Variants in PCGF3 observed in about 807,000 individuals in gnomAD.
PCGF3 encodes polycomb group ring finger 3.
In PCGF3, 7 loss-of-function variants were observed where a neutral mutation model predicts 33.1. The observed-to-expected ratio is 0.21, with a 90% CI of 0.12 to 0.40. The LOEUF is 0.40. Ranked by LOEUF, PCGF3 falls within the 10% of genes least tolerant of loss-of-function variation. The pLI is 1.00. For synonymous variants in PCGF3, 153 were observed against 121.3 expected (o/e 1.26, Z -1.72); for missense variants, 211 against 313.3 (o/e 0.67, Z 2.46).
In PCGF3 at chr4:765,958, C is replaced by A. The variant is rs1255868771; in HGVS notation, c.682-74C>A. The stretch of plus-strand genomic sequence containing the variant: ...CCTCACGGGACGTGATTCCTCAGCA[C>A]CCTTCCCGATGAAGTAGGTCCTTCT... On this transcript the variant is annotated intron_variant, in intron 10 of 10. Transcript: ENST00000362003. The A allele has an allele frequency of 1.7e-5, 23 of 1,374,466 alleles. 1 individual carries two copies. Among genetic ancestry groups the A allele is most frequent in the Admixed American group, 1.2e-4 (7 of 59,560 alleles). The allele number at this position is 1,374,466 out of a possible 1,614,324, so 85.1% of individuals were successfully genotyped here.
chr4:755,872 A>G (rs1287023703), intron 8 of PCGF3, among the ~76,000 whole-genome samples: 2 of 117,202 alleles, frequency 1.7e-5, no homozygotes, highest in East Asian at 2.4e-4. Context: ...GAGAGTACAT[A>G]CCCCTCCTCA....
chr4:740,253 C>T (rs980516975), intron 6 of PCGF3, among the ~76,000 whole-genome samples: 5 of 152,362 alleles, frequency 3.3e-5, no homozygotes, highest in East Asian at 3.9e-4. Flanking sequence ...ACCTGGACTC[C>T]GGGCAGGCCC....
chr4:734,247 G>T, intron 4 of PCGF3: 1 of 1,487,526 alleles, frequency 6.7e-7, no homozygotes, highest in Non-Finnish European at 9.0e-7. Flanking sequence ...TCTAAGTGTG[G>T]CTACCGCTGA....
intron 5 of PCGF3, among the ~76,000 whole-genome samples, chr4:735,512 C>T (rs77137988): frequency 0.065 from 9,922 of 151,748 alleles, 1,044 homozygotes; most frequent in African/African-American, 0.22. Flanking sequence ...CGCCGTTGCA[C>T]TCCAGCCTGG....
intron 4 of PCGF3, 76 bp from the exon 5 acceptor site, chr4:734,855 G>T (rs1027603181): frequency 1.3e-6 from 2 of 1,552,750 alleles, no homozygotes; most frequent in South Asian, 2.4e-5. Flanking sequence ...AGACGCCCGT[G>T]TTCAGTGGAG....
At chr4:739,594 C>T in intron 6 of PCGF3, among the ~76,000 whole-genome samples, 1 of 152,208 alleles carries the variant, frequency 6.6e-6, no homozygotes, top group East Asian at 1.9e-4. Context: ...TGTCCTGCGG[C>T]AGTGGACCTG....
chr4:735,299 C>A (rs1447937917), intron 5 of PCGF3, among the ~76,000 whole-genome samples: 2 of 152,214 alleles, frequency 1.3e-5, no homozygotes, highest in African/African-American at 2.4e-5. Context: ...ATAATCCCAG[C>A]ACTTTGGGAG....
At chr4:747,788 C>G (rs1744326867) in intron 8 of PCGF3, among the ~76,000 whole-genome samples, 1 of 152,170 alleles carries the variant, frequency 6.6e-6, no homozygotes, top group South Asian at 2.1e-4. Context: ...CGAGGGAGGG[C>G]TCACACCAGA....
rs1373470934 is a variant in PCGF3, at chr4:722,727, C to T, written c.-189-7903C>T. Reference sequence around the variant, plus strand: ...TGCGCTGGGTCCACACTCGCGTCATCGCCCACCCACGCCGGGTCCACACTC... The same window carrying T: ...TGCGCTGGGTCCACACTCGCGTCATTGCCCACCCACGCCGGGTCCACACTC... On this transcript the variant is annotated intron_variant, in intron 1 of 10. Coordinates refer to ENST00000362003, the Ensembl canonical transcript of PCGF3. Among the ~76,000 whole-genome samples, 420 of 79,364 alleles carry T rather than the reference C, an allele frequency of 5.3e-3. 59 individuals carry two copies. Among genetic ancestry groups the T allele is most frequent in the East Asian group, 8.5e-3 (23 of 2,694 alleles). The allele number at this position is 79,364 out of a possible 152,430, so 52.1% of individuals were successfully genotyped here.
At chr4:725,912 A>C (rs1288790596) in intron 1 of PCGF3, among the ~76,000 whole-genome samples, 2 of 151,838 alleles carry the variant, frequency 1.3e-5, no homozygotes, top group African/African-American at 4.8e-5. Flanking sequence ...TGGCCTCCCC[A>C]TTTCAGGAGC....
intron 7 of PCGF3, 103 bp from the exon 8 acceptor site, chr4:744,497 T>C (rs1185516311): frequency 1.0e-5 from 9 of 879,092 alleles, no homozygotes; most frequent in Non-Finnish European, 1.6e-5. Flanking sequence ...CCAGAGTCTC[T>C]TAATGGAGTG....
chr4:705,850 T>C (rs1413303715), exon 1 of PCGF3: 1 of 152,070 alleles, frequency 6.6e-6, no homozygotes, highest in Non-Finnish European at 1.5e-5. Context: ...CTCTTTGTTT[T>C]AAACTCCGGA....
chr4:767,761 T>C (rs1745444793), exon 11 of PCGF3: 1 of 152,510 alleles, frequency 6.6e-6, no homozygotes, highest in African/African-American at 2.4e-5. Context: ...ACGGTTTGAG[T>C]TACTCAGTTA....
chr4:754,172 G>A (rs1744662016), intron 8 of PCGF3, among the ~76,000 whole-genome samples: 1 of 152,172 alleles, frequency 6.6e-6, no homozygotes, highest in South Asian at 2.1e-4. Flanking sequence ...CAGGGGAAAT[G>A]GCTCCTATAC....
At position 753,699 on chromosome 4, in the gene PCGF3, G is replaced by A. The variant is rs547866230; in HGVS notation, c.463-7580G>A. 6.0e-5 allele frequency among the ~76,000 whole-genome samples: 9 copies of A among 151,250 alleles called. No individual in the cohort carries two copies. The South Asian group carries it at 1.0e-3, about 18-fold the overall frequency. On this transcript the variant is annotated intron_variant, in intron 8 of 10. Coordinates refer to ENST00000362003, the Ensembl canonical transcript of PCGF3. ...ACGGTGGCTCACGCCTGTAATCCCA[G>A]TACTTTGGGAGGCTGAGGCGGGCAG...
At chr4:754,130 A>C (rs1744660383) in intron 8 of PCGF3, among the ~76,000 whole-genome samples, 1 of 152,004 alleles carries the variant, frequency 6.6e-6, no homozygotes, top group Non-Finnish European at 1.5e-5. Flanking sequence ...GGGCCTGTTG[A>C]CTTGGTGGGT....
At chr4:707,754 T>C (rs28371157) in intron 1 of PCGF3, among the ~76,000 whole-genome samples, 384 of 72,176 alleles carry the variant, frequency 5.3e-3, no homozygotes, top group African/African-American at 0.012. Flanking sequence ...CTGAGACAGC[T>C]CTGTTTTCAC....
chr4:748,325 G>C (rs1744360686), intron 8 of PCGF3, among the ~76,000 whole-genome samples: 1 of 151,398 alleles, frequency 6.6e-6, no homozygotes. Flanking sequence ...TCAGCCTCCC[G>C]AGTAGCTGGG....
At position 735,057 on chromosome 4, in the gene PCGF3, C is replaced by T. The variant is rs752266993; in HGVS notation, c.206+30C>T. 7.5e-6 allele frequency: 12 copies of T among 1,602,780 alleles called. No individual in the cohort carries two copies. In the South Asian group the frequency reaches 1.0e-4, roughly 13 times the overall value. On this transcript the variant is annotated intron_variant, in intron 5 of 10. Transcript: ENST00000362003. The stretch of plus-strand genomic sequence containing the variant: ...GTGTGGGCCTTCCCAGGCCACAGTA[C>T]GTGGGGTGAGTGCCCCTGGGCGTCT...
Sources: allele counts gnomAD v4.1 joint callset (sites outside exome capture counted in the v4.1 genomes callset), GRCh38; gene constraint gnomAD v4.1.1; transcripts MANE v1.5; gene names NCBI Gene and HGNC (gene_info 2026-07-23, HGNC 2026-07-21).